Variants in CHST3 observed in about 807,000 individuals in gnomAD.
The protein encoded by CHST3 is C6ST-1.
Under a neutral mutation model 35.4 loss-of-function variants are expected in CHST3, and 20 were observed. The ratio of observed to expected loss-of-function variants is 0.57; its 90% confidence interval spans 0.40 to 0.82. The LOEUF is 0.82. Ranked by LOEUF, CHST3 falls within the 40% of genes least tolerant of loss-of-function variation. The probability of loss-of-function intolerance (pLI) is 0.00; values close to 1 mark genes in which losing one functional copy is unlikely to be tolerated. For missense variants in CHST3, 693 were observed against 670.1 expected (o/e 1.03, Z -0.38); for synonymous variants, 334 against 295.9 (o/e 1.13, Z -1.32).
At chr10:71,980,714 C>G (rs1033575591) in intron 1 of CHST3, among the ~76,000 whole-genome samples, 2 of 152,210 alleles carry the variant, frequency 1.3e-5, no homozygotes, top group African/African-American at 2.4e-5. Context: ...GACCCACCCT[C>G]CTGGGGTGTT....
At chr10:72,005,659 CA>C in intron 1 of CHST3, 76 bp from the exon 2 acceptor site, 2 of 722,398 alleles carry the variant, frequency 2.8e-6, no homozygotes, top group South Asian at 3.5e-5. Context: ...CCGAGATCCT[CA>C]AAAGTCTGGT....
chr10:71,974,584 G>A (rs185560844), intron 1 of CHST3, among the ~76,000 whole-genome samples: 62 of 152,322 alleles, frequency 4.1e-4, no homozygotes, highest in Non-Finnish European at 7.8e-4. Flanking sequence ...AGGCGGGCCT[G>A]GAGGGTAGGG....
chr10:71,983,005 A>T (rs1839815552), intron 1 of CHST3, among the ~76,000 whole-genome samples: 2 of 152,176 alleles, frequency 1.3e-5, no homozygotes, highest in South Asian at 4.1e-4. Context: ...CATGGGTTCA[A>T]TCTCAGCTCT....
chr10:71,986,193 C>T (rs564687791), intron 1 of CHST3, among the ~76,000 whole-genome samples: 12 of 152,314 alleles, frequency 7.9e-5, no homozygotes, highest in African/African-American at 2.9e-4. Context: ...GGCAGCAGCT[C>T]CCGCTGTCTG....
chr10:71,995,464 C>T (rs114980172), intron 1 of CHST3, among the ~76,000 whole-genome samples: 147 of 151,594 alleles, frequency 9.7e-4, no homozygotes, highest in African/African-American at 3.4e-3. Context: ...GCACTCACAG[C>T]TTGGCTAACT....
At chr10:71,999,635 T>C (rs1177245196) in intron 1 of CHST3, among the ~76,000 whole-genome samples, 2 of 152,204 alleles carry the variant, frequency 1.3e-5, no homozygotes, top group African/African-American at 4.8e-5. Context: ...GGCCGTCCCT[T>C]ATCACAGCCG....
At chr10:71,982,943 T>C (rs1018989258) in intron 1 of CHST3, among the ~76,000 whole-genome samples, 3 of 152,182 alleles carry the variant, frequency 2.0e-5, no homozygotes, top group African/African-American at 7.2e-5. Context: ...CGACCCCTTC[T>C]TCACTGCCCA....
intron 1 of CHST3, among the ~76,000 whole-genome samples, chr10:71,994,283 T>C (rs921623848): frequency 1.3e-5 from 2 of 151,508 alleles, no homozygotes; most frequent in Non-Finnish European, 2.9e-5. Context: ...AAAAAAAAAT[T>C]AATTAATTAA....
chr10:71,969,013 C>CA (rs35863653), intron 1 of CHST3, among the ~76,000 whole-genome samples: 45,730 of 151,960 alleles, frequency 0.3, 8,049 homozygotes, highest in East Asian at 0.57. Context: ...CTGGGGAAAT[C>CA]AGCCTTCACC....
At chr10:71,985,310 T>A (rs1460141128) in intron 1 of CHST3, among the ~76,000 whole-genome samples, 2 of 152,208 alleles carry the variant, frequency 1.3e-5, no homozygotes, top group African/African-American at 4.8e-5. Context: ...CTCCCCTCCT[T>A]ACCAGAACCC....
chr10:72,001,506 T>C (rs894099183), intron 1 of CHST3, among the ~76,000 whole-genome samples: 1 of 151,914 alleles, frequency 6.6e-6, no homozygotes, highest in Non-Finnish European at 1.5e-5. Context: ...AGAGTTTTAC[T>C]CTGGGTGCCT....
rs993350565 is a variant in CHST3 at position 72,005,738 on chromosome 10, C to T, written c.-105C>T. On this transcript the variant is annotated splice_region_variant and 5_prime_UTR_variant, in exon 2 of 3. Coordinates refer to ENST00000373115, the MANE Select transcript of CHST3 (RefSeq NM_004273.5). ...TCTGACCACCTGTCTCTCCGCAGGA[C>T]AAGGGTGTCCCCCACCTGAAGACGG... 2.1e-6 allele frequency: 3 copies of T among 1,433,458 alleles called. No homozygotes were observed. The African/African-American group carries it at 4.2e-5, about 20-fold the overall frequency. The allele number at this position is 1,433,458 out of a possible 1,614,324, so 88.8% of individuals were successfully genotyped here.
chr10:72,007,964 G>A lies in CHST3; in HGVS notation c.933G>A (p.Met311Ile), dbSNP rs1259071743. The A allele has an allele frequency of 1.9e-6, 3 of 1,549,464 alleles. No homozygotes were observed. Among genetic ancestry groups the A allele is most frequent in the Admixed American group, 2.0e-5 (1 of 50,984 alleles). ...RDPRAVLASR[M>I]VAFAGKYKTW... is the part of the protein sequence containing the mutation. Reference sequence around the variant, plus strand: ...CCCGGGCCGTGCTGGCCTCGCGCATGGTGGCCTTCGCCGGCAAGTATAAGA... The same window carrying A: ...CCCGGGCCGTGCTGGCCTCGCGCATAGTGGCCTTCGCCGGCAAGTATAAGA... Residue 311 changes from methionine to isoleucine, a missense_variant, in exon 3 of 3, where the codon ATG (methionine) becomes ATA (isoleucine). Coordinates refer to ENST00000373115, the MANE Select transcript of CHST3 (RefSeq NM_004273.5).
chr10:72,000,011 C>T lies in CHST3; in HGVS notation c.-107-5725C>T, dbSNP rs574633330. 2.0e-5 allele frequency among the ~76,000 whole-genome samples: 3 copies of T among 152,308 alleles called. No homozygotes were observed. In the East Asian group the frequency reaches 5.8e-4, roughly 29 times the overall value. ...CAAGAGACTAAAGTTATGTGCGGTC[C>T]CAAGTGTGAAGTTTTGCCCACAGTT... On this transcript the variant is annotated intron_variant, in intron 1 of 2. Coordinates refer to ENST00000373115, the MANE Select transcript of CHST3 (RefSeq NM_004273.5).
In CHST3 at chr10:71,964,426, G is replaced by C. The variant is rs1238527979; in HGVS notation, c.-376G>C. The C allele has an allele frequency of 6.6e-6, 1 of 152,378 alleles. No individual in the cohort carries two copies. The highest frequency in any genetic ancestry group is 2.4e-5 in the African/African-American group (1 of 41,580). The allele number at this position is 152,378 out of a possible 1,614,324, so 9.4% of individuals were successfully genotyped here. ...CGGCTCGGGCCTGAGCGGGGAGGGC[G>C]CCAGGCAGGACCTCTCGCAGGCTCG... On this transcript the variant is annotated 5_prime_UTR_variant, in exon 1 of 3. Transcript: ENST00000373115.
In CHST3 at chr10:72,012,144, G is replaced by A. The variant is rs1464927535; in HGVS notation, c.*3673G>A. ...CTACTGCCAGAGGCTGGCGTAGTGG[G>A]GCAGCTGCTGACCAAACCCCACAGA... is the stretch of plus-strand genomic sequence containing the variant. On this transcript the variant is annotated 3_prime_UTR_variant, in exon 3 of 3. Coordinates refer to ENST00000373115, the MANE Select transcript of CHST3 (RefSeq NM_004273.5). 2 of 152,272 alleles carry A rather than the reference G, an allele frequency of 1.3e-5. No homozygotes were observed. The highest frequency in any genetic ancestry group is 3.9e-4 in the East Asian group (2 of 5,194). The allele number at this position is 152,272 out of a possible 1,614,324, so 9.4% of individuals were successfully genotyped here. A position where few individuals can be genotyped will look rare whatever the true frequency, so the allele number is the denominator to read the frequency against.
intron 1 of CHST3, among the ~76,000 whole-genome samples, chr10:71,984,133 C>T (rs1333187254): frequency 6.6e-6 from 1 of 152,232 alleles, no homozygotes; most frequent in Non-Finnish European, 1.5e-5. Flanking sequence ...AGCAATTCTC[C>T]TGCCTCAGCC....
chr10:71,989,963 T>C (rs1411042695), intron 1 of CHST3, among the ~76,000 whole-genome samples: 3 of 152,250 alleles, frequency 2.0e-5, no homozygotes, highest in East Asian at 3.8e-4. Flanking sequence ...GTACCTAACA[T>C]TGAGCTAACA....
At chr10:71,979,374 C>T (rs1211649918) in intron 1 of CHST3, among the ~76,000 whole-genome samples, 1 of 144,950 alleles carries the variant, frequency 6.9e-6, no homozygotes, top group African/African-American at 2.6e-5. Flanking sequence ...GACGGAGTCT[C>T]GGGAGGGGGG....
Sources: allele counts gnomAD v4.1 joint callset (sites outside exome capture counted in the v4.1 genomes callset), GRCh38; gene constraint gnomAD v4.1.1; transcripts MANE v1.5; gene names NCBI Gene and HGNC (gene_info 2026-07-23, HGNC 2026-07-21).